The following GBA1 variants were observed in gnomAD, a reference collection of about 807,000 sequenced individuals.
The protein encoded by GBA1 is glucosylceramidase beta 1.
chr1:155,238,645 C>G, the GBA1 span: 2 of 1,613,598 alleles, frequency 1.2e-6, no homozygotes, highest in Non-Finnish European at 1.7e-6. Flanking sequence ...ATGTTATATC[C>G]GATTCCTACA....
chr1:155,241,484 C>G, the GBA1 span, among the ~76,000 whole-genome samples: 1 of 152,002 alleles, frequency 6.6e-6, no homozygotes, highest in Admixed American at 6.6e-5. Context: ...ATGGGAACCA[C>G]AGCAGGCACA....
the GBA1 span, among the ~76,000 whole-genome samples, chr1:155,242,386 C>A: frequency 5.4e-3 from 828 of 152,182 alleles, 5 homozygotes; most frequent in Non-Finnish European, 8.1e-3. Context: ...ACATGCTCAG[C>A]TAATTTTTTT....
chr1:155,236,241 T>G, the GBA1 span: 1 of 1,612,918 alleles, frequency 6.2e-7, no homozygotes, highest in Non-Finnish European at 8.5e-7. Context: ...CTGGGGTGGC[T>G]TACCGTGATG....
the GBA1 span, chr1:155,235,479 G>A: frequency 2.2e-5 from 23 of 1,053,164 alleles, no homozygotes; most frequent in African/African-American, 1.6e-4. Flanking sequence ...TTTCTGCATC[G>A]CAGTCCAGCC....
At chr1:155,239,888 G>C in the GBA1 span, 14 of 1,614,112 alleles carry the variant, frequency 8.7e-6, no homozygotes, top group Non-Finnish European at 1.2e-5. Flanking sequence ...ATGGTTACCT[G>C]TGCCCGTGTG....
the GBA1 span, chr1:155,240,731 G>T: frequency 1.2e-6 from 2 of 1,605,194 alleles, no homozygotes; most frequent in Admixed American, 3.3e-5. Context: ...AGGACAGAAT[G>T]AGGAATGACT....
chr1:155,236,502 G>A, the GBA1 span: 9 of 1,534,486 alleles, frequency 5.9e-6, no homozygotes, highest in South Asian at 7.9e-5. Flanking sequence ...CCTGGACCTT[G>A]CACACAGGCT....
chr1:155,241,310 G>A, the GBA1 span: 138 of 640,210 alleles, frequency 2.2e-4, no homozygotes, highest in Non-Finnish European at 2.2e-4. Context: ...CAGGAAGTGA[G>A]GCAATCACAG....
chr1:155,237,187 C>T, the GBA1 span, among the ~76,000 whole-genome samples: 1 of 152,086 alleles, frequency 6.6e-6, no homozygotes, highest in Non-Finnish European at 1.5e-5. Context: ...AGGTTTCAAG[C>T]GACAACTGTG....
chr1:155,242,934 G>A, the GBA1 span, among the ~76,000 whole-genome samples: 1 of 152,156 alleles, frequency 6.6e-6, no homozygotes, highest in African/African-American at 2.4e-5. Flanking sequence ...CAGCAAGTTT[G>A]GAATCCTGGC....
At chr1:155,241,805 G>T in the GBA1 span, among the ~76,000 whole-genome samples, 1 of 152,190 alleles carries the variant, frequency 6.6e-6, no homozygotes, top group African/African-American at 2.4e-5. Context: ...ACAAGAGGGT[G>T]GGACACTGGC....
At chr1:155,238,239 G>A in the GBA1 span, 1 of 1,613,666 alleles carries the variant, frequency 6.2e-7, no homozygotes, top group Non-Finnish European at 8.5e-7. Flanking sequence ...AGTGGGTGAT[G>A]TCCAGGGGCT....
the GBA1 span, among the ~76,000 whole-genome samples, chr1:155,243,200 G>A: frequency 2.4e-3 from 364 of 152,278 alleles, 2 homozygotes; most frequent in East Asian, 0.042. Flanking sequence ...CTGTCAAGTT[G>A]TAGAATTGAA....
chr1:155,238,704 G>A, the GBA1 span: 552 of 1,609,076 alleles, frequency 3.4e-4, no homozygotes, highest in Non-Finnish European at 4.4e-4. Context: ...GAGAGTATGG[G>A]ACTCTGCTTA....
chr1:155,239,740 T>G, the GBA1 span: 4 of 1,614,050 alleles, frequency 2.5e-6, no homozygotes, highest in Non-Finnish European at 1.7e-6. Context: ...ACTTCTGTTC[T>G]GGCTGCAGGG....
At chr1:155,235,506 T>C in the GBA1 span, 6 of 1,045,590 alleles carry the variant, frequency 5.7e-6, no homozygotes, top group East Asian at 1.6e-4. Context: ...ATTGGGGTTT[T>C]CTGTTGCTAC....
the GBA1 span, chr1:155,236,543 C>T: frequency 3.2e-6 from 4 of 1,257,906 alleles, no homozygotes; most frequent in Non-Finnish European, 4.6e-6. Flanking sequence ...TTGTAGGAAT[C>T]CTGGAGTTGG....
the GBA1 span, chr1:155,240,140 G>A: frequency 6.8e-7 from 1 of 1,460,858 alleles, no homozygotes; most frequent in Non-Finnish European, 9.6e-7. Flanking sequence ...GGACACATCT[G>A]CTAGGAGAGA....
At chr1:155,236,351 G>A in the GBA1 span, 2 of 1,614,212 alleles carry the variant, frequency 1.2e-6, no homozygotes, top group East Asian at 4.5e-5. Flanking sequence ...AAAGAGCATG[G>A]TGTTGGGGAA....
Sources: gnomAD v4.1 joint callset for allele counts (sites outside exome capture counted in the v4.1 genomes callset) on GRCh38, gnomAD v4.1.1 for gene constraint, MANE v1.5 for transcripts, NCBI Gene and HGNC (gene_info 2026-07-23, HGNC 2026-07-21) for gene names.